TAFA1: variants seen among roughly 807,000 people sequenced by gnomAD.
TAFA1 encodes the protein TAFA chemokine like family member 1.
TAFA1 carries 4 observed loss-of-function variants against 18.5 expected under a neutral mutation model. The ratio of observed to expected loss-of-function variants is 0.22; its 90% confidence interval spans 0.11 to 0.49. TAFA1 has a LOEUF of 0.49. TAFA1 is among the 20% of genes least tolerant of loss of function. The probability of loss-of-function intolerance (pLI) is 0.98; values close to 1 mark genes in which losing one functional copy is unlikely to be tolerated. For synonymous variants in TAFA1, 56 were observed against 55.2 expected, an observed-to-expected ratio of 1.01 and a Z score of -0.06; for missense variants, 147 against 169.0, an observed-to-expected ratio of 0.87 and a Z score of 0.72.
intron 2 of TAFA1, among the ~76,000 whole-genome samples, chr3:68,013,438 A>G (rs148976793): frequency 6.6e-6 from 1 of 152,182 alleles, no homozygotes; most frequent in Non-Finnish European, 1.5e-5. Flanking sequence ...TTCAAAGACT[A>G]TACTTACAAA....
rs940819686 is a variant in TAFA1, at chr3:68,228,722, A to G, written c.119-188558A>G. On this transcript the variant is annotated intron_variant, in intron 2 of 4. Coordinates refer to ENST00000478136, the MANE Select transcript of TAFA1 (RefSeq NM_213609.4). The stretch of plus-strand genomic sequence containing the variant: ...TATATGCAAGTTTAATGGACTTAAA[A>G]GAAACAATTCTTTGCTTCTTAGTAA... Among the ~76,000 whole-genome samples, 7 of 152,374 alleles carry G rather than the reference A, an allele frequency of 4.6e-5. No homozygotes were observed. In the South Asian group the frequency reaches 1.4e-3, roughly 32 times the overall value.
At chr3:68,145,606 G>A (rs533570888) in intron 2 of TAFA1, 26 of 1,479,338 alleles carry the variant, frequency 1.8e-5, no homozygotes, top group East Asian at 6.8e-5. Flanking sequence ...CCAGACTGAC[G>A]GATTATGTGG....
intron 3 of TAFA1, among the ~76,000 whole-genome samples, chr3:68,455,584 A>C (rs531372063): frequency 5.3e-5 from 8 of 152,094 alleles, no homozygotes; most frequent in Admixed American, 4.6e-4. Context: ...TCTTCTATTC[A>C]TTCCTCTGGT....
chr3:68,264,094 C>T (rs1014276185), intron 2 of TAFA1, among the ~76,000 whole-genome samples: 1 of 151,954 alleles, frequency 6.6e-6, no homozygotes, highest in Non-Finnish European at 1.5e-5. Flanking sequence ...CATGGTGAAG[C>T]CCCATCTCTA....
intron 2 of TAFA1, among the ~76,000 whole-genome samples, chr3:68,144,345 A>G (rs1208131396): frequency 1.3e-5 from 2 of 152,190 alleles, no homozygotes; most frequent in Admixed American, 6.5e-5. Context: ...AGGTGGCCGT[A>G]CTGAAGTATA....
At chr3:68,270,024 T>G (rs1023582607) in intron 2 of TAFA1, among the ~76,000 whole-genome samples, 1 of 152,178 alleles carries the variant, frequency 6.6e-6, no homozygotes, top group African/African-American at 2.4e-5. Context: ...TGTGCCCCTT[T>G]CTTCAGGCTA....
intron 2 of TAFA1, among the ~76,000 whole-genome samples, chr3:68,319,295 C>T (rs549084700): frequency 6.6e-6 from 1 of 152,308 alleles, no homozygotes; most frequent in Non-Finnish European, 1.5e-5. Flanking sequence ...AAATACAAAT[C>T]TCTAGAACAG....
At chr3:68,039,688 G>A (rs1319674257) in intron 2 of TAFA1, among the ~76,000 whole-genome samples, 1 of 152,116 alleles carries the variant, frequency 6.6e-6, no homozygotes, top group Admixed American at 6.5e-5. Context: ...TTTGAGTCAG[G>A]TAGTTTACTT....
At chr3:68,537,864 C>A (rs896503074) in intron 3 of TAFA1, among the ~76,000 whole-genome samples, 1 of 152,158 alleles carries the variant, frequency 6.6e-6, no homozygotes, top group Non-Finnish European at 1.5e-5. Flanking sequence ...AAAACTAATT[C>A]ACTGAGACCA....
At chr3:68,248,729 C>T (rs868301273) in intron 2 of TAFA1, among the ~76,000 whole-genome samples, 12 of 1,058 alleles carry the variant, frequency 0.011, no homozygotes, top group African/African-American at 0.023. Context: ...GGGTGGTGGG[C>T]GGGGGGCGGG....
intron 2 of TAFA1, among the ~76,000 whole-genome samples, chr3:68,011,569 C>T (rs1055944096): frequency 2.0e-5 from 3 of 152,094 alleles, no homozygotes; most frequent in African/African-American, 7.2e-5. Context: ...TTGAAAGCTG[C>T]TCAGAGAATA....
intron 2 of TAFA1, among the ~76,000 whole-genome samples, chr3:68,241,265 G>C (rs971479517): frequency 6.6e-6 from 1 of 152,094 alleles, no homozygotes; most frequent in Non-Finnish European, 1.5e-5. Flanking sequence ...AATGAATAAA[G>C]TCTGTCTCTA....
At chr3:68,440,835 C>T (rs768527960) in intron 3 of TAFA1, among the ~76,000 whole-genome samples, 1 of 152,154 alleles carries the variant, frequency 6.6e-6, no homozygotes, top group Non-Finnish European at 1.5e-5. Flanking sequence ...TCACCGCAGC[C>T]AACACTGTAA....
intron 2 of TAFA1, among the ~76,000 whole-genome samples, chr3:68,259,713 T>G (rs994904384): frequency 3.3e-5 from 5 of 151,906 alleles, no homozygotes; most frequent in African/African-American, 1.2e-4. Flanking sequence ...TGAATGGGAG[T>G]TCACTCATGA....
intron 2 of TAFA1, among the ~76,000 whole-genome samples, chr3:68,160,449 T>A (rs1485362848): frequency 6.6e-6 from 1 of 152,236 alleles, no homozygotes; most frequent in Non-Finnish European, 1.5e-5. Context: ...TAGTAGAGCA[T>A]AATGGGCTTT....
chr3:68,402,673 C>T (rs982427418), intron 2 of TAFA1, among the ~76,000 whole-genome samples: 1 of 152,198 alleles, frequency 6.6e-6, no homozygotes, highest in Non-Finnish European at 1.5e-5. Context: ...TAAATATATA[C>T]TTTTGTTATT....
At chr3:68,000,164 C>A (rs1704269416), upstream of TAFA1, among the ~76,000 whole-genome samples, 2 of 152,126 alleles carry the variant, frequency 1.3e-5, no homozygotes, top group South Asian at 4.1e-4. Context: ...ATTTTTGATT[C>A]ATTTATTATT....
At chr3:68,315,139 G>C (rs1491761) in intron 2 of TAFA1, among the ~76,000 whole-genome samples, 8,111 of 152,102 alleles carry the variant, frequency 0.053, 691 homozygotes, top group African/African-American at 0.18. Flanking sequence ...TCTCTTCCTG[G>C]AAGAGAGAAT....
At chr3:68,277,259 A>C (rs1400850474) in intron 2 of TAFA1, among the ~76,000 whole-genome samples, 3 of 152,158 alleles carry the variant, frequency 2.0e-5, no homozygotes, top group African/African-American at 7.2e-5. Context: ...CAGTGAAGAA[A>C]CCTGAAAAAC....
Sources: allele counts gnomAD v4.1 joint callset (sites outside exome capture counted in the v4.1 genomes callset), GRCh38; gene constraint gnomAD v4.1.1; transcripts MANE v1.5; gene names NCBI Gene and HGNC (gene_info 2026-07-23, HGNC 2026-07-21).